The following KIFBP variants were observed in gnomAD, a reference collection of about 807,000 sequenced individuals.
The protein encoded by KIFBP is KIF-binding protein.
Under a neutral mutation model 58.9 loss-of-function variants are expected in KIFBP, and 46 were observed. That is an observed-to-expected ratio of 0.78 (90% confidence interval 0.62 to 1.00). The LOEUF is 1.00. Ranked by LOEUF, KIFBP falls within the 50% of genes least tolerant of loss-of-function variation. The probability of loss-of-function intolerance (pLI) is 0.00; values close to 1 mark genes in which losing one functional copy is unlikely to be tolerated. For synonymous variants in KIFBP, 241 were observed against 283.4 expected, an observed-to-expected ratio of 0.85 and a Z score of 1.50; for missense variants, 651 against 752.9, an observed-to-expected ratio of 0.86 and a Z score of 1.58.
At position 69,014,047 on chromosome 10, in the gene KIFBP, A is replaced by T. The variant is rs561179005; in HGVS notation, c.991-1494A>T. Among the ~76,000 whole-genome samples the T allele has an allele frequency of 1.6e-4, 24 of 152,116 alleles. No homozygotes were observed. In the South Asian group the frequency reaches 4.8e-3, roughly 30 times the overall value. ...ATTACAGGTGTGAGCCACTGCGCTCACCCCTGACTTTATTTTTTAACCTTA... is the reference window on the plus strand; with the variant it reads ...ATTACAGGTGTGAGCCACTGCGCTCTCCCCTGACTTTATTTTTTAACCTTA... On this transcript the variant is annotated intron_variant, in intron 6 of 6. Coordinates refer to ENST00000361983, the MANE Select transcript of KIFBP (RefSeq NM_015634.4).
At chr10:69,014,904 G>A (rs369595129) in intron 6 of KIFBP, among the ~76,000 whole-genome samples, 6 of 152,076 alleles carry the variant, frequency 3.9e-5, no homozygotes, top group Admixed American at 1.3e-4. Flanking sequence ...TTTTTATGAT[G>A]TAGATTACAG....
chr10:69,016,266 A>T lies in KIFBP; in HGVS notation c.1716A>T (p.Ser572=), dbSNP rs1489704123. ...PKKELENLAT[S]LEHYKFIVDY... ...AAGAGCTGGAAAATTTGGCAACATC[A>T]TTGGAACATTACAAATTTATTGTTG... The change falls in exon 7 of 7, where the codon TCA becomes TCT. Residue 572 remains serine, a synonymous_variant. Coordinates refer to ENST00000361983, the MANE Select transcript of KIFBP (RefSeq NM_015634.4). 4 of 1,602,276 alleles carry T rather than the reference A, an allele frequency of 2.5e-6. No individual in the cohort carries two copies. The highest frequency in any genetic ancestry group is 1.3e-5 in the African/African-American group (1 of 74,082).
chr10:68,993,649 TCA>T (rs1249777083), intron 1 of KIFBP, among the ~76,000 whole-genome samples: 1 of 152,010 alleles, frequency 6.6e-6, no homozygotes, highest in African/African-American at 2.4e-5. Context: ...AGATGGGGTC[TCA>T]CTATATTGAC....
chr10:69,008,392 AT>A (rs368193647), intron 4 of KIFBP, among the ~76,000 whole-genome samples: 995 of 36,626 alleles, frequency 0.027, 25 homozygotes, highest in African/African-American at 0.081. Flanking sequence ...AAAAAAAAAA[AT>A]ATATATATAT....
chr10:69,008,965 A>C, intron 5 of KIFBP, 40 bp downstream of exon 5: 1 of 1,516,906 alleles, frequency 6.6e-7, no homozygotes, highest in East Asian at 2.3e-5. Context: ...CTTTTAAAAA[A>C]AGTTTTATTT....
intron 4 of KIFBP, among the ~76,000 whole-genome samples, chr10:69,007,470 C>T (rs1469730535): frequency 6.6e-6 from 1 of 152,184 alleles, no homozygotes; most frequent in Non-Finnish European, 1.5e-5. Context: ...AAGACACTCA[C>T]TGTTCTAGCA....
Position 68,989,082 on chromosome 10 carries a change from G to C in KIFBP, c.250G>C (p.Glu84Gln). 1 of 1,611,250 alleles carries C rather than the reference G, an allele frequency of 6.2e-7. No individual in the cohort carries two copies. The highest frequency in any genetic ancestry group is 8.5e-7 in the Non-Finnish European group (1 of 1,178,192). ...LGLPAEVVEP[E>Q]GPVAQRAVRL... ...GCTGCCGGCTGAGGTGGTGGAGCCC[G>C]AGGGGCCCGTCGCCCAGCGAGCGGT... Residue 84 changes from glutamate (E) to glutamine (Q), a missense_variant, in exon 1 of 7, where the codon GAG becomes CAG. Coordinates refer to ENST00000361983, the MANE Select transcript of KIFBP (RefSeq NM_015634.4).
At chr10:69,014,517 G>A (rs2132118784) in intron 6 of KIFBP, among the ~76,000 whole-genome samples, 1 of 152,268 alleles carries the variant, frequency 6.6e-6, no homozygotes, top group South Asian at 2.1e-4. Context: ...AAAGGGGCTG[G>A]AGCAATCAAG....
chr10:69,010,819 A>T, intron 5 of KIFBP, 81 bp from the exon 6 acceptor site: 1 of 883,670 alleles, frequency 1.1e-6, no homozygotes, highest in Non-Finnish European at 1.9e-6. Flanking sequence ...GTCAGGAAAA[A>T]GTGATATTAA....
chr10:68,988,961 G>A lies in KIFBP; in HGVS notation c.129G>A (p.Leu43=), dbSNP rs1445339659. ...CCAAATACAGCGCCCGGGCGCTACT[G>A]GAAGAGGTCAAGGCGCTGCTCGGCC... ...YKSKYSARAL[L]EEVKALLGPA... is the part of the protein sequence containing the mutation. The change falls in exon 1 of 7, where the codon CTG becomes CTA. Residue 43 remains leucine, a synonymous_variant. Transcript: ENST00000361983. 7.4e-6 allele frequency: 12 copies of A among 1,614,252 alleles called. No homozygotes were observed. In the South Asian group the frequency reaches 1.3e-4, roughly 18 times the overall value.
chr10:69,003,123 A>C (rs145894830), intron 2 of KIFBP, among the ~76,000 whole-genome samples: 2 of 151,740 alleles, frequency 1.3e-5, no homozygotes, highest in Admixed American at 1.3e-4. Context: ...CATAACACAT[A>C]TAGTGAAATT....
chr10:69,001,583 C>T (rs372131425), intron 2 of KIFBP, among the ~76,000 whole-genome samples: 1 of 151,672 alleles, frequency 6.6e-6, no homozygotes, highest in African/African-American at 2.4e-5. Context: ...GGTGAAATCC[C>T]ATCTCTACTA....
intron 4 of KIFBP, among the ~76,000 whole-genome samples, chr10:69,008,295 A>G (rs960485739): frequency 3.4e-5 from 5 of 149,176 alleles, no homozygotes; most frequent in African/African-American, 1.2e-4. Flanking sequence ...AGGATCCCTT[A>G]AGACCAGGAG....
intron 4 of KIFBP, 152 bp from the exon 5 acceptor site, chr10:69,008,689 C>T: frequency 1.4e-6 from 1 of 691,146 alleles, no homozygotes; most frequent in Non-Finnish European, 2.6e-6. Context: ...ATCTTTTGTA[C>T]CTTCTGAATG....
intron 4 of KIFBP, among the ~76,000 whole-genome samples, chr10:69,007,312 G>C (rs1010844164): frequency 1.3e-5 from 2 of 152,126 alleles, no homozygotes; most frequent in Non-Finnish European, 2.9e-5. Context: ...ATTGCAAAAA[G>C]AGGGATTTGA....
chr10:68,999,611 A>G (rs1191621087), intron 1 of KIFBP: 1 of 151,792 alleles, frequency 6.6e-6, no homozygotes. Context: ...TTTCCAACTT[A>G]CTCACATGGT....
chr10:69,006,309 G>A (rs1843535830), intron 4 of KIFBP, among the ~76,000 whole-genome samples: 1 of 152,190 alleles, frequency 6.6e-6, no homozygotes, highest in Admixed American at 6.5e-5. Context: ...ACTGTTAAAT[G>A]TGGGCTTTGA....
Position 69,005,104 on chromosome 10 carries a change from C to A in KIFBP, c.584C>A (p.Thr195Asn). ...TTTCTTCCTGAAGAAGAGAAACTTACTGAACAAGAGAGATCAAAAAGGTGA... is the reference window on the plus strand; with the variant it reads ...TTTCTTCCTGAAGAAGAGAAACTTAATGAACAAGAGAGATCAAAAAGGTGA... ...ERFLPEEEKL[T>N]EQERSKRFEK... is the part of the protein sequence containing the mutation. Residue 195 changes from threonine (T) to asparagine (N), a missense_variant, in exon 3 of 7, where the codon ACT (threonine) becomes AAT (asparagine). By Grantham distance (65) the Thr-to-Asn change is moderately conservative. Coordinates refer to ENST00000361983, the MANE Select transcript of KIFBP (RefSeq NM_015634.4). 3 of 1,612,660 alleles carry A rather than the reference C, an allele frequency of 1.9e-6. No individual in the cohort carries two copies. The highest frequency in any genetic ancestry group is 1.1e-5 in the South Asian group (1 of 91,064).
intron 4 of KIFBP, chr10:69,007,522 A>G (rs1843548199): frequency 6.6e-6 from 1 of 152,206 alleles, no homozygotes; most frequent in Non-Finnish European, 1.5e-5. Flanking sequence ...AGCTGAAATG[A>G]CGATAAATGT....
Sources: gnomAD v4.1 joint callset for allele counts (sites outside exome capture counted in the v4.1 genomes callset) on GRCh38, gnomAD v4.1.1 for gene constraint, MANE v1.5 for transcripts, NCBI Gene and HGNC (gene_info 2026-07-23, HGNC 2026-07-21) for gene names.